RUNDC3B: variants seen among roughly 807,000 people sequenced by gnomAD.
RUNDC3B encodes RUN domain containing 3B.
In RUNDC3B, 33 loss-of-function variants were observed where a neutral mutation model predicts 58.4. The ratio of observed to expected loss-of-function variants is 0.56; its 90% CI spans 0.43 to 0.75. The LOEUF (loss-of-function observed/expected upper bound fraction) is 0.75, where lower values mean the gene tolerates loss of function less well. RUNDC3B is among the 30% of genes least tolerant of loss of function. The probability of loss-of-function intolerance (pLI) is 0.00; values close to 1 mark genes in which losing one functional copy is unlikely to be tolerated. For missense variants in RUNDC3B, 501 were observed against 535.7 expected, an observed-to-expected ratio of 0.94 and a Z score of 0.64; for synonymous variants, 193 against 195.2, an observed-to-expected ratio of 0.99 and a Z score of 0.10.
At chr7:87,650,353 G>A (rs1823450949) in intron 1 of RUNDC3B, among the ~76,000 whole-genome samples, 1 of 151,962 alleles carries the variant, frequency 6.6e-6, no homozygotes, top group Non-Finnish European at 1.5e-5. Context: ...CTGCAGGCTG[G>A]GAAGGCTGAG....
chr7:87,752,796 A>G, intron 6 of RUNDC3B, among the ~76,000 whole-genome samples: 1 of 150,616 alleles, frequency 6.6e-6, no homozygotes, highest in Non-Finnish European at 1.5e-5. Context: ...CTAGTGGTTT[A>G]TCAGTTTTGT....
At chr7:87,727,659 C>T (rs1394487493) in intron 4 of RUNDC3B, among the ~76,000 whole-genome samples, 4 of 151,986 alleles carry the variant, frequency 2.6e-5, no homozygotes, top group African/African-American at 9.7e-5. Context: ...TTTTAAAATA[C>T]CTTTTATTCC....
At position 87,794,449 on chromosome 7, in the gene RUNDC3B, C is replaced by CA. The variant is rs902172317; in HGVS notation, c.957-12917dup. Among the ~76,000 whole-genome samples the CA allele has an allele frequency of 5.9e-5, 9 of 151,680 alleles. No individual in the cohort carries two copies. In the South Asian group the frequency reaches 8.3e-4, roughly 14 times the overall value. The stretch of plus-strand genomic sequence containing the variant: ...ACTCTGTCTAAAAAACAAAACAGAA[C>CA]AAAAAAACCTGTAAAACACTAATGA... On this transcript the variant is annotated intron_variant, in intron 8 of 10. Coordinates refer to ENST00000394654, the MANE Select transcript of RUNDC3B (RefSeq NM_001134405.2).
Position 87,735,310 on chromosome 7 carries a change from C to T in RUNDC3B, c.459-4481C>T, listed in dbSNP as rs1831861275. ...TTTACCTTTATCTCCATGGCTCTTA[C>T]AGTCATCTAGACCTCTTTTATCTGT... On this transcript the variant is annotated intron_variant, in intron 4 of 10. Coordinates refer to ENST00000394654, the MANE Select transcript of RUNDC3B (RefSeq NM_001134405.2). Among the ~76,000 whole-genome samples the T allele has an allele frequency of 2.0e-5, 3 of 152,182 alleles. No individual in the cohort carries two copies. The South Asian group carries it at 6.2e-4, about 32-fold the overall frequency.
chr7:87,741,517 G>C lies in RUNDC3B; in HGVS notation c.567G>C (p.Glu189Asp). The change falls in exon 6 of 11, where the codon GAG becomes GAC. Residue 189 changes from glutamate to aspartate, a missense_variant. By Grantham distance (45) the Glu-to-Asp change is conservative. Coordinates refer to ENST00000394654, the MANE Select transcript of RUNDC3B (RefSeq NM_001134405.2). ...GTCTTAGTTTCTGCCTAAAGGGAGA[G>C]GGGCTGGATGGCAGTTTTCCTGCTG... ...AIDFSFCLKG[E>D]GLDGSFPAVI... The C allele has an allele frequency of 6.4e-7, 1 of 1,571,664 alleles. No homozygotes were observed. Among genetic ancestry groups the C allele is most frequent in the Non-Finnish European group, 8.7e-7 (1 of 1,148,978 alleles).
intron 8 of RUNDC3B, among the ~76,000 whole-genome samples, chr7:87,778,640 T>C (rs1584186317): frequency 6.6e-6 from 1 of 152,296 alleles, no homozygotes; most frequent in Admixed American, 6.5e-5. Flanking sequence ...AGTATAGTGC[T>C]GGTATATTAA....
intron 10 of RUNDC3B, among the ~76,000 whole-genome samples, chr7:87,823,086 A>G (rs911889365): frequency 6.6e-6 from 1 of 152,122 alleles, no homozygotes; most frequent in Admixed American, 6.6e-5. Context: ...TAAACAAGCT[A>G]GCTAGCTAAA....
At chr7:87,718,401 G>T (rs1330272812) in intron 4 of RUNDC3B, among the ~76,000 whole-genome samples, 1 of 152,090 alleles carries the variant, frequency 6.6e-6, no homozygotes, top group African/African-American at 2.4e-5. Context: ...AAAGAAAAAG[G>T]TTAGCATAAA....
intron 1 of RUNDC3B, among the ~76,000 whole-genome samples, chr7:87,634,763 A>G (rs1361171974): frequency 1.3e-5 from 2 of 152,220 alleles, no homozygotes; most frequent in Non-Finnish European, 1.5e-5. Flanking sequence ...TTTTGGCTAA[A>G]ACTCTTTCAG....
intron 3 of RUNDC3B, among the ~76,000 whole-genome samples, chr7:87,706,699 G>T (rs1829622025): frequency 6.6e-6 from 1 of 152,188 alleles, no homozygotes; most frequent in Non-Finnish European, 1.5e-5. Flanking sequence ...GCAGAAAGTT[G>T]TGGAGGTGGA....
intron 4 of RUNDC3B, among the ~76,000 whole-genome samples, chr7:87,713,664 A>AT (rs1407684557): frequency 6.6e-6 from 1 of 151,162 alleles, no homozygotes; most frequent in Non-Finnish European, 1.5e-5. Flanking sequence ...AAAAAAAAAA[A>AT]GAGAGAGACT....
rs761836205 is a variant in RUNDC3B, at chr7:87,829,957, C to G, written c.1298C>G (p.Thr433Arg). 1.2e-4 allele frequency: 201 copies of G among 1,608,910 alleles called. No individual in the cohort carries two copies. Among genetic ancestry groups the G allele is most frequent in the Non-Finnish European group, 1.7e-4 (196 of 1,176,696 alleles). ...LTSVASYKSLTSLKSNDYLAS... is the reference protein window; with the variant it reads ...LTSVASYKSLRSLKSNDYLAS... Reference sequence around the variant, plus strand: ...TCAGTGGCAAGTTACAAGTCTCTAACAAGCTTAAAATCTAATGACTACCTT... The same window carrying G: ...TCAGTGGCAAGTTACAAGTCTCTAAGAAGCTTAAAATCTAATGACTACCTT... The change falls in exon 11 of 11, where the codon ACA becomes AGA. Residue 433 changes from threonine (T) to arginine (R), a missense_variant. Coordinates refer to ENST00000394654, the MANE Select transcript of RUNDC3B (RefSeq NM_001134405.2).
chr7:87,753,365 A>G (rs1475243810), intron 6 of RUNDC3B, among the ~76,000 whole-genome samples: 2 of 151,908 alleles, frequency 1.3e-5, no homozygotes, highest in Non-Finnish European at 2.9e-5. Context: ...TTTGGGGTGG[A>G]GAGTTCTGTA....
At chr7:87,822,001 A>C (rs934930393) in intron 10 of RUNDC3B, among the ~76,000 whole-genome samples, 9 of 152,064 alleles carry the variant, frequency 5.9e-5, no homozygotes, top group Admixed American at 3.3e-4. Context: ...CATGTCTAAA[A>C]CACCAAAAGC....
chr7:87,642,440 A>G (rs1047806893), intron 1 of RUNDC3B, among the ~76,000 whole-genome samples: 5 of 152,256 alleles, frequency 3.3e-5, no homozygotes, highest in African/African-American at 1.2e-4. Flanking sequence ...TGGATAAAGA[A>G]TAATTGGATT....
intron 4 of RUNDC3B, among the ~76,000 whole-genome samples, chr7:87,725,952 T>C (rs974900768): frequency 2.6e-5 from 4 of 152,230 alleles, no homozygotes; most frequent in African/African-American, 9.6e-5. Context: ...ATTTTTTTCT[T>C]GTAAATTTGC....
intron 3 of RUNDC3B, among the ~76,000 whole-genome samples, chr7:87,703,914 G>GTTTTTTTTTTTTTTTTTTTTTTTT (rs35797972): frequency 3.0e-4 from 13 of 42,972 alleles, no homozygotes; most frequent in African/African-American, 3.8e-4. Flanking sequence ...TTTTTTTTTG[G>GTTTTTTTTTTTTTTTTTTTTTTTT]TTTTTTTTTT....
chr7:87,816,193 A>G lies in RUNDC3B; in HGVS notation c.1156A>G (p.Thr386Ala), dbSNP rs756454514. The change falls in exon 10 of 11, where the codon ACT becomes GCT. Residue 386 changes from threonine to alanine, a missense_variant. By Grantham distance (58) the Thr-to-Ala change is moderately conservative. Transcript: ENST00000394654. ...QLSAEVSLSQ[T>A]SLDPGQSQEG... ...ATCAGCAGAAGTTAGCCTTTCTCAGACTTCACTAGATCCAGGCCAGTCACA... is the reference window on the plus strand; with the variant it reads ...ATCAGCAGAAGTTAGCCTTTCTCAGGCTTCACTAGATCCAGGCCAGTCACA... 6.8e-6 allele frequency: 11 copies of G among 1,609,232 alleles called. No individual in the cohort carries two copies. The highest frequency in any genetic ancestry group is 5.3e-5 in the African/African-American group (4 of 74,828).
At chr7:87,673,478 G>C (rs1388250050) in intron 2 of RUNDC3B, among the ~76,000 whole-genome samples, 1 of 152,120 alleles carries the variant, frequency 6.6e-6, no homozygotes, top group African/African-American at 2.4e-5. Context: ...CAAGCATTGA[G>C]ATTCTTTCCT....
Sources: gnomAD v4.1 joint callset for allele counts (sites outside exome capture counted in the v4.1 genomes callset) on GRCh38, gnomAD v4.1.1 for gene constraint, MANE v1.5 for transcripts, NCBI Gene and HGNC (gene_info 2026-07-23, HGNC 2026-07-21) for gene names.